The following NCOA2 variants were observed in gnomAD, a reference collection of about 807,000 sequenced individuals.
NCOA2 encodes class E basic helix-loop-helix protein 75.
A neutral mutation model predicts 145.1 loss-of-function variants in NCOA2; 21 were observed. That is an observed-to-expected ratio of 0.14 (90% CI 0.10 to 0.21). NCOA2 has a LOEUF of 0.21. Among genes scored for constraint, NCOA2 ranks in the 10% least tolerant of loss-of-function variants. NCOA2 has a pLI of 1.00. For synonymous variants in NCOA2, 619 were observed against 637.5 expected, an observed-to-expected ratio of 0.97 and a Z score of 0.44; for missense variants, 1,472 against 1,837.6, an observed-to-expected ratio of 0.80 and a Z score of 3.64.
intron 1 of NCOA2, among the ~76,000 whole-genome samples, chr8:70,315,831 A>G (rs1045948075): frequency 6.6e-6 from 1 of 152,212 alleles, no homozygotes; most frequent in Non-Finnish European, 1.5e-5. Flanking sequence ...AACAGGCCAC[A>G]CGGCTGGCGG....
In NCOA2 at chr8:70,391,770, G is replaced by C. The variant is rs183582875; in HGVS notation, c.-77+11930C>G. Among the ~76,000 whole-genome samples, 32 of 152,332 alleles carry C rather than the reference G, an allele frequency of 2.1e-4. No homozygotes were observed. The East Asian group carries it at 6.0e-3, about 28-fold the overall frequency. On this transcript the variant is annotated intron_variant, in intron 1 of 22. Transcript: ENST00000452400. ...TGAAAGGGAGAGAACAAAATGCAAT[G>C]AGTAAACTTGATTAGATCCTCGTTT... is the stretch of plus-strand genomic sequence containing the variant.
rs1812261513 is a variant in NCOA2, at chr8:70,156,134, A to G, written c.2231T>C (p.Leu744Pro). ...PVSPKKKENA[L>P]LRYLLDKDDT... ...ATCTTTATCTAGCAAATAGCGAAGT[A>G]GTGCATTCTCTTTCTTCTTGGGGCT... The change falls in exon 11 of 23, where the codon CTA becomes CCA. Residue 744 changes from leucine to proline, a missense_variant. By Grantham distance (98) the Leu-to-Pro change is moderately conservative (BLOSUM62 -3). Transcript: ENST00000452400. The G allele has an allele frequency of 6.2e-7, 1 of 1,613,816 alleles. No homozygotes were observed. Among genetic ancestry groups the G allele is most frequent in the Non-Finnish European group, 8.5e-7 (1 of 1,179,890 alleles).
Position 70,138,098 on chromosome 8 carries a change from A to T in NCOA2, c.3158+105T>A, listed in dbSNP as rs1026474481. Reference sequence around the variant, plus strand: ...TCATGCACTGCACAGTAGATAATATAGTACCAATAAATGAAAACTGGTCAG... The same window carrying T: ...TCATGCACTGCACAGTAGATAATATTGTACCAATAAATGAAAACTGGTCAG... On this transcript the variant is annotated intron_variant, in intron 15 of 22. Coordinates refer to ENST00000452400, the MANE Select transcript of NCOA2 (RefSeq NM_006540.4). 5.7e-6 allele frequency: 7 copies of T among 1,237,876 alleles called. No individual in the cohort carries two copies. The South Asian group carries it at 7.7e-5, about 14-fold the overall frequency. The allele number at this position is 1,237,876 out of a possible 1,614,324, so 76.7% of individuals were successfully genotyped here.
intron 6 of NCOA2, among the ~76,000 whole-genome samples, chr8:70,167,475 C>T (rs1813746332): frequency 6.6e-6 from 1 of 152,194 alleles, no homozygotes; most frequent in Non-Finnish European, 1.5e-5. Flanking sequence ...CTGAGGTCCT[C>T]TACAATCAAT....
rs188840252 is a variant in NCOA2 at position 70,116,318 on chromosome 8, G to A, written c.4384-2675C>T. 1.3e-4 allele frequency among the ~76,000 whole-genome samples: 20 copies of A among 152,252 alleles called. 1 individual carries two copies. Among genetic ancestry groups the A allele is most frequent in the Middle Eastern group, 3.4e-3 (1 of 294 alleles). Reference sequence around the variant, plus strand: ...TGTAATCCCAGCACTTCGGGAGGCCGAGGCAGGCGGATCATTTGAGGTCAG... The same window carrying A: ...TGTAATCCCAGCACTTCGGGAGGCCAAGGCAGGCGGATCATTTGAGGTCAG... On this transcript the variant is annotated intron_variant, in intron 22 of 22. Coordinates refer to ENST00000452400, the MANE Select transcript of NCOA2 (RefSeq NM_006540.4).
intron 3 of NCOA2, among the ~76,000 whole-genome samples, chr8:70,215,237 C>CAT (rs1423033737): frequency 6.6e-6 from 1 of 152,126 alleles, no homozygotes; most frequent in Non-Finnish European, 1.5e-5. Context: ...ACCCTCCACC[C>CAT]ATGCCCTCTC....
the NCOA2 span, among the ~76,000 whole-genome samples, chr8:70,417,993 A>G: frequency 6.6e-6 from 1 of 152,210 alleles, no homozygotes; most frequent in African/African-American, 2.4e-5. Context: ...TGTTAGTGGA[A>G]GAATTCCTCC....
At chr8:70,411,444 T>C in the NCOA2 span, among the ~76,000 whole-genome samples, 1 of 152,012 alleles carries the variant, frequency 6.6e-6, no homozygotes, top group African/African-American at 2.4e-5. Flanking sequence ...TATAGAAAAA[T>C]TAATTGTGTT....
At chr8:70,204,081 C>T (rs561718275) in intron 4 of NCOA2, among the ~76,000 whole-genome samples, 1 of 151,978 alleles carries the variant, frequency 6.6e-6, no homozygotes, top group South Asian at 2.1e-4. Context: ...AATCTTGGCT[C>T]ACCGCAACCT....
chr8:70,286,236 G>A (rs1356778164), intron 2 of NCOA2, among the ~76,000 whole-genome samples: 3 of 152,024 alleles, frequency 2.0e-5, no homozygotes, highest in Admixed American at 2.0e-4. Flanking sequence ...AACATAACGA[G>A]ACTTGTCTCT....
At chr8:70,424,972 G>A in the NCOA2 span, among the ~76,000 whole-genome samples, 1 of 152,320 alleles carries the variant, frequency 6.6e-6, no homozygotes, top group South Asian at 2.1e-4. Context: ...CTGCTGAAGT[G>A]AGGGCCACTC....
At chr8:70,160,964 T>C (rs1401729923) in intron 9 of NCOA2, among the ~76,000 whole-genome samples, 2 of 152,212 alleles carry the variant, frequency 1.3e-5, no homozygotes, top group East Asian at 3.8e-4. Flanking sequence ...GGCTTATAAT[T>C]TCAGAATTTT....
the NCOA2 span, among the ~76,000 whole-genome samples, chr8:70,447,682 CTT>C: frequency 1.8e-5 from 2 of 113,084 alleles, no homozygotes; most frequent in African/African-American, 3.7e-5. Flanking sequence ...TCTTTGTTTT[CTT>C]TTTTTTTTTT....
At chr8:70,158,006 A>T (rs1224963037) in intron 10 of NCOA2, among the ~76,000 whole-genome samples, 1 of 152,236 alleles carries the variant, frequency 6.6e-6, no homozygotes, top group African/African-American at 2.4e-5. Flanking sequence ...AAGTTCTATG[A>T]GCTTTAATTT....
Position 70,112,534 on chromosome 8 carries a change from T to A in NCOA2, c.*1098A>T. 4.8e-6 allele frequency: 1 copy of A among 206,200 alleles called. No individual in the cohort carries two copies. Among genetic ancestry groups the A allele is most frequent in the Non-Finnish European group, 9.9e-6 (1 of 101,002 alleles). The allele number at this position is 206,200 out of a possible 1,614,324, so 12.8% of individuals were successfully genotyped here. On this transcript the variant is annotated 3_prime_UTR_variant, in exon 23 of 23. Transcript: ENST00000452400. Reference sequence around the variant, plus strand: ...TAAACACACTGGCGTTTTCTCCCATTTTGGAGGCCAGAGTTGCTGGGGAAC... The same window carrying A: ...TAAACACACTGGCGTTTTCTCCCATATTGGAGGCCAGAGTTGCTGGGGAAC...
At chr8:70,360,482 G>A (rs1810103155) in intron 1 of NCOA2, among the ~76,000 whole-genome samples, 1 of 152,090 alleles carries the variant, frequency 6.6e-6, no homozygotes, top group African/African-American at 2.4e-5. Flanking sequence ...GTTAATTACA[G>A]CACAGGAGAT....
Position 70,148,333 on chromosome 8 carries a change from C to G in NCOA2, c.2545G>C (p.Glu849Gln). 1 of 1,614,008 alleles carries G rather than the reference C, an allele frequency of 6.2e-7. No individual in the cohort carries two copies. The highest frequency in any genetic ancestry group is 8.5e-7 in the Non-Finnish European group (1 of 1,179,882). Reference protein sequence around the residue: ...IINDLMQLTAENSPVTPVGAQ... With the variant: ...IINDLMQLTAQNSPVTPVGAQ... ...CCAACAGGTGTGACAGGGCTGTTTTCAGCTGTGAGTTGCATGAGGTCATTG... is the reference window on the plus strand; with the variant it reads ...CCAACAGGTGTGACAGGGCTGTTTTGAGCTGTGAGTTGCATGAGGTCATTG... Residue 849 changes from glutamate (E) to glutamine (Q), a missense_variant, in exon 12 of 23, where the codon GAA becomes CAA. Coordinates refer to ENST00000452400, the MANE Select transcript of NCOA2 (RefSeq NM_006540.4).
At position 70,292,074 on chromosome 8, in the gene NCOA2, C is replaced by CAAAA. The variant is rs371226539; in HGVS notation, c.-20+4666_-20+4669dup. 9.3e-3 allele frequency among the ~76,000 whole-genome samples: 875 copies of CAAAA among 94,070 alleles called. 3 individuals are homozygous for CAAAA. The highest frequency in any genetic ancestry group is 0.015 in the Non-Finnish European group (604 of 40,986). The allele number at this position is 94,070 out of a possible 152,430, so 61.7% of individuals were successfully genotyped here. A position where few individuals can be genotyped will look rare whatever the true frequency, so the allele number is the denominator to read the frequency against. The stretch of plus-strand genomic sequence containing the variant: ...TGGGCAACAGAGCGAGACGCCGTCT[C>CAAAA]AAAAAAAAAAAAAAAGACTTTGAAT... On this transcript the variant is annotated intron_variant, in intron 2 of 22. Transcript: ENST00000452400.
intron 4 of NCOA2, among the ~76,000 whole-genome samples, chr8:70,201,020 A>C (rs1378474680): frequency 7.2e-6 from 1 of 138,926 alleles, no homozygotes; most frequent in Non-Finnish European, 1.5e-5. Context: ...ACTGCACTCC[A>C]GCCTGGGTAA....
Sources: allele counts gnomAD v4.1 joint callset (sites outside exome capture counted in the v4.1 genomes callset), GRCh38; gene constraint gnomAD v4.1.1; transcripts MANE v1.5; gene names NCBI Gene and HGNC (gene_info 2026-07-23, HGNC 2026-07-21).